Variants in XYLT1 observed in about 807,000 individuals in gnomAD.
The protein encoded by XYLT1 is beta-D-xylosyltransferase 1.
XYLT1 carries 36 observed loss-of-function variants against 91.3 expected under a neutral mutation model. The observed-to-expected ratio is 0.39, with a 90% CI of 0.30 to 0.52. The LOEUF (loss-of-function observed/expected upper bound fraction) is 0.52. XYLT1 is among the 20% of genes least tolerant of loss of function. The pLI is 0.68. For synonymous variants in XYLT1, 588 were observed against 532.0 expected (o/e 1.11, Z -1.45); for missense variants, 1,242 against 1,284.5 (o/e 0.97, Z 0.51).
chr16:17,135,791 A>G (rs994714745), intron 8 of XYLT1, among the ~76,000 whole-genome samples: 24 of 152,216 alleles, frequency 1.6e-4, no homozygotes, highest in Non-Finnish European at 2.9e-4. Flanking sequence ...AAAAGGCCAG[A>G]CAGTAAATAT....
intron 2 of XYLT1, among the ~76,000 whole-genome samples, chr16:17,311,181 A>C (rs1171330831): frequency 1.3e-5 from 2 of 152,178 alleles, no homozygotes; most frequent in Non-Finnish European, 2.9e-5. Flanking sequence ...AGAAGGGGTT[A>C]CATCAGAGTA....
rs73525192 is a variant in XYLT1, at chr16:17,408,013, T to C, written c.364-49963A>G. On this transcript the variant is annotated intron_variant, in intron 1 of 11. Transcript: ENST00000261381. ...GCCAACTCCCCTTCACCTTCCACTG[T>C]GAGTGAAGCTGTCGGAGGCCCTCGC... 2.7e-3 allele frequency among the ~76,000 whole-genome samples: 408 copies of C among 152,334 alleles called. 6 individuals are homozygous for C. Among genetic ancestry groups the C allele is most frequent in the African/African-American group, 9.3e-3 (385 of 41,576 alleles).
chr16:17,438,299 A>G (rs1423648102), intron 1 of XYLT1, among the ~76,000 whole-genome samples: 2 of 152,182 alleles, frequency 1.3e-5, no homozygotes, highest in Admixed American at 6.5e-5. Flanking sequence ...TAGCATTTTT[A>G]TAGCCATTAT....
intron 1 of XYLT1, among the ~76,000 whole-genome samples, chr16:17,463,379 A>C (rs1567212407): frequency 6.6e-6 from 1 of 152,244 alleles, no homozygotes; most frequent in Non-Finnish European, 1.5e-5. Flanking sequence ...ACAGCAAAAA[A>C]ACAAGTAGTC....
chr16:17,288,610 C>A (rs569155939), intron 2 of XYLT1, among the ~76,000 whole-genome samples: 18 of 152,312 alleles, frequency 1.2e-4, no homozygotes, highest in African/African-American at 3.8e-4. Flanking sequence ...GGTCATGCGA[C>A]CTGCTTTGGC....
intron 5 of XYLT1, chr16:17,197,942 A>G: frequency 5.8e-6 from 3 of 520,290 alleles, no homozygotes; most frequent in Non-Finnish European, 1.0e-5. Flanking sequence ...ACCCTAATAT[A>G]AAGCTCCACG....
intron 3 of XYLT1, among the ~76,000 whole-genome samples, chr16:17,213,950 A>T (rs2032809456): frequency 6.6e-6 from 1 of 152,110 alleles, no homozygotes; most frequent in Non-Finnish European, 1.5e-5. Flanking sequence ...TTCAGCACAG[A>T]TCAATATTTC....
chr16:17,162,568 A>G (rs1183190486), intron 5 of XYLT1, among the ~76,000 whole-genome samples: 2 of 152,230 alleles, frequency 1.3e-5, no homozygotes, highest in Non-Finnish European at 2.9e-5. Flanking sequence ...TCTACAAATG[A>G]TAGTGAATGA....
At chr16:17,219,935 G>A (rs1256523417) in intron 3 of XYLT1, among the ~76,000 whole-genome samples, 1 of 152,194 alleles carries the variant, frequency 6.6e-6, no homozygotes, top group Non-Finnish European at 1.5e-5. Flanking sequence ...GGAGGCTGAG[G>A]CAGGAGAATA....
chr16:17,206,914 A>C (rs1280079574), intron 3 of XYLT1, among the ~76,000 whole-genome samples: 1 of 152,076 alleles, frequency 6.6e-6, no homozygotes, highest in Non-Finnish European at 1.5e-5. Context: ...TTTTGGAAAA[A>C]CCCAAATGAG....
At chr16:17,329,779 A>T (rs1218566202) in intron 2 of XYLT1, among the ~76,000 whole-genome samples, 2 of 152,204 alleles carry the variant, frequency 1.3e-5, no homozygotes, top group Non-Finnish European at 2.9e-5. Flanking sequence ...GAGGCAGTTA[A>T]CCATCACAGG....
Position 17,280,972 on chromosome 16 carries a change from C to T in XYLT1, c.403-21474G>A, listed in dbSNP as rs567467420. On this transcript the variant is annotated intron_variant, in intron 2 of 11. Coordinates refer to ENST00000261381, the MANE Select transcript of XYLT1 (RefSeq NM_022166.4). ...TGGGAGCCTTCACAAAATGCAGATG[C>T]CCAGGTGCCCACACGGGAGATACTG... is the stretch of plus-strand genomic sequence containing the variant. Among the ~76,000 whole-genome samples the T allele has an allele frequency of 7.2e-5, 11 of 152,302 alleles. No individual in the cohort carries two copies. The South Asian group carries it at 8.3e-4, about 11-fold the overall frequency.
chr16:17,344,354 G>A (rs1244399732), intron 2 of XYLT1, among the ~76,000 whole-genome samples: 2 of 151,546 alleles, frequency 1.3e-5, no homozygotes, highest in Non-Finnish European at 2.9e-5. Context: ...TTAGCCGGGC[G>A]TGGTGGCGGG....
In XYLT1 at chr16:17,108,852, G is replaced by C; in HGVS notation, c.2723C>G (p.Ser908Trp). 3.7e-6 allele frequency: 6 copies of C among 1,613,150 alleles called. No homozygotes were observed. Among genetic ancestry groups the C allele is most frequent in the Non-Finnish European group, 5.1e-6 (6 of 1,179,892 alleles). The change falls in exon 12 of 12, where the codon TCG becomes TGG. Residue 908 changes from serine (S) to tryptophan (W), a missense_variant. Physicochemically the swap from Ser to Trp is radical, Grantham distance 177 (BLOSUM62 -3). Around this residue, in one of 3 missense-constraint regions of XYLT1, gnomAD observed 511 missense variants for 497.0 expected, o/e 1.03. Transcript: ENST00000261381. Reference sequence around the variant, plus strand: ...GGCAGTCCACATCCCGCCCACCAACGAGTCCAGCCATCCCTCCAGCGCTGT... The same window carrying C: ...GGCAGTCCACATCCCGCCCACCAACCAGTCCAGCCATCCCTCCAGCGCTGT... ...TGTALEGWLDSLVGGMWTAMD... is the reference protein window; with the variant it reads ...TGTALEGWLDWLVGGMWTAMD...
chr16:17,270,266 C>T (rs1295255030), intron 2 of XYLT1, among the ~76,000 whole-genome samples: 1 of 152,216 alleles, frequency 6.6e-6, no homozygotes, highest in Middle Eastern at 3.2e-3. Flanking sequence ...TTGACGCAGC[C>T]CAAGGCCACC....
chr16:17,179,159 C>G (rs954955884), intron 5 of XYLT1, among the ~76,000 whole-genome samples: 20 of 152,022 alleles, frequency 1.3e-4, no homozygotes, highest in African/African-American at 4.6e-4. Flanking sequence ...AATACATATT[C>G]TCGCTTGTAA....
chr16:17,231,767 A>G (rs2033159611), intron 3 of XYLT1, among the ~76,000 whole-genome samples: 1 of 152,146 alleles, frequency 6.6e-6, no homozygotes, highest in Non-Finnish European at 1.5e-5. Context: ...TACAGTAACA[A>G]TATGGTATAA....
At chr16:17,240,177 G>A (rs1218307105) in intron 3 of XYLT1, among the ~76,000 whole-genome samples, 2 of 152,232 alleles carry the variant, frequency 1.3e-5, no homozygotes, top group African/African-American at 2.4e-5. Flanking sequence ...GGAGAGGCAT[G>A]AGAACAGGGG....
At chr16:17,243,768 A>G (rs1039375151) in intron 3 of XYLT1, among the ~76,000 whole-genome samples, 12 of 152,152 alleles carry the variant, frequency 7.9e-5, no homozygotes, top group Admixed American at 2.6e-4. Flanking sequence ...AGGGGTCTTC[A>G]GGACGCAAAG....
Sources: gnomAD v4.1 joint callset for allele counts (sites outside exome capture counted in the v4.1 genomes callset) on GRCh38, gnomAD v4.1.1 for gene constraint, gnomAD v4.1.1 regional missense constraint, MANE v1.5 for transcripts, NCBI Gene and HGNC (gene_info 2026-07-23, HGNC 2026-07-21) for gene names.